The following ZNF236 variants were observed in gnomAD, a reference collection of about 807,000 sequenced individuals.
The protein encoded by ZNF236 is zinc finger protein 236.
Under a neutral mutation model 191.2 loss-of-function variants are expected in ZNF236, and 50 were observed. The observed-to-expected ratio is 0.26, with a 90% CI of 0.21 to 0.33. ZNF236 has a LOEUF of 0.33. ZNF236 is among the 10% of genes least tolerant of loss of function. The pLI is 1.00. For missense variants in ZNF236, 1,754 were observed against 2,374.5 expected, an observed-to-expected ratio of 0.74 and a Z score of 5.43; for synonymous variants, 907 against 928.8, an observed-to-expected ratio of 0.98 and a Z score of 0.43.
At chr18:76,944,587 C>T (rs981299810) in intron 26 of ZNF236, among the ~76,000 whole-genome samples, 2 of 152,124 alleles carry the variant, frequency 1.3e-5, no homozygotes, top group Admixed American at 1.3e-4. Flanking sequence ...TCGAGACCAG[C>T]TTGGCCAACA....
In ZNF236 at chr18:76,880,282, G is replaced by C; in HGVS notation, c.1154G>C (p.Ser385Thr). 6.2e-7 allele frequency: 1 copy of C among 1,613,934 alleles called. No individual in the cohort carries two copies. Among genetic ancestry groups the C allele is most frequent in the South Asian group, 1.1e-5 (1 of 91,056 alleles). Reference protein sequence around the residue: ...GQSPQPGQQLSITVGINQDIL... With the variant: ...GQSPQPGQQLTITVGINQDIL... ...TCCCCGCAGCCTGGGCAGCAGCTGA[G>C]CATCACAGTGGGCATCAACCAGGAC... The change falls in exon 8 of 31, where the codon AGC becomes ACC. Residue 385 changes from serine to threonine, a missense_variant. Coordinates refer to ENST00000320610, the MANE Select transcript of ZNF236 (RefSeq NM_001306089.2). This position sits in a 1 kb window ranked among gnomAD's most constrained non-coding sequence, Gnocchi z 5.0.
intron 26 of ZNF236, among the ~76,000 whole-genome samples, chr18:76,940,374 G>A (rs1394298980): frequency 6.7e-6 from 1 of 149,624 alleles, no homozygotes; most frequent in Non-Finnish European, 1.5e-5. Context: ...CATTGCGTTT[G>A]GCAACACGGT....
intron 3 of ZNF236, among the ~76,000 whole-genome samples, chr18:76,857,993 A>G (rs1350570766): frequency 1.3e-5 from 2 of 152,152 alleles, no homozygotes; most frequent in African/African-American, 4.8e-5. Context: ...TAAGATTCTA[A>G]TGATATTGTG....
intron 13 of ZNF236, among the ~76,000 whole-genome samples, chr18:76,905,743 A>C (rs1427319521): frequency 6.6e-6 from 1 of 152,198 alleles, no homozygotes; most frequent in East Asian, 1.9e-4. Flanking sequence ...CAGATAGTGA[A>C]TATTTCAGAA....
In ZNF236 at chr18:76,880,188, C is replaced by G. The variant is rs1407514920; in HGVS notation, c.1060C>G (p.Gln354Glu). ...GTCGGCCTCAAGCCAGCCGAGCTCC[C>G]AGGCGGTGAGCGACGTCATCCAGCA... The part of the protein sequence containing the change: ...ATSASSQPSS[Q>E]AVSDVIQQLL... Residue 354 changes from glutamine (Q) to glutamate (E), a missense_variant, in exon 8 of 31, where the codon CAG becomes GAG. Physicochemically the swap from Gln to Glu is conservative, Grantham distance 29 (BLOSUM62 2). Coordinates refer to ENST00000320610, the MANE Select transcript of ZNF236 (RefSeq NM_001306089.2). This position sits in a 1 kb window ranked among gnomAD's most constrained non-coding sequence, Gnocchi z 5.0. 1 of 1,614,180 alleles carries G rather than the reference C, an allele frequency of 6.2e-7. No homozygotes were observed. The highest frequency in any genetic ancestry group is 8.5e-7 in the Non-Finnish European group (1 of 1,180,028).
chr18:76,968,246 G>A lies in ZNF236; in HGVS notation c.5451G>A (p.Glu1817=). ...GALQESAGHP[E]QDGEELSRTL... is the part of the protein sequence containing the mutation. ...TGCAGGAGTCTGCAGGTCACCCGGA[G>A]CAGGACGGGGAGGAGCTGAGCCGGA... is the stretch of plus-strand genomic sequence containing the variant. The change falls in exon 31 of 31, where the codon GAG becomes GAA. Residue 1817 remains glutamate (E), a synonymous_variant. Coordinates refer to ENST00000320610, the MANE Select transcript of ZNF236 (RefSeq NM_001306089.2). The A allele has an allele frequency of 2.5e-6, 4 of 1,613,336 alleles. No individual in the cohort carries two copies. The highest frequency in any genetic ancestry group is 3.4e-6 in the Non-Finnish European group (4 of 1,179,808).
chr18:76,912,576 T>C (rs1199283691), intron 17 of ZNF236, among the ~76,000 whole-genome samples: 1 of 152,242 alleles, frequency 6.6e-6, no homozygotes, highest in Non-Finnish European at 1.5e-5. Flanking sequence ...TACGGCAGTC[T>C]TCAGTTTGTC....
chr18:76,868,954 C>A, intron 4 of ZNF236, 91 bp downstream of exon 4: 1 of 1,323,396 alleles, frequency 7.6e-7, no homozygotes, highest in Non-Finnish European at 1.0e-6. Flanking sequence ...ATATTTGCTG[C>A]AAGAACCCAG....
chr18:76,959,284 A>C (rs1968601377), intron 28 of ZNF236, among the ~76,000 whole-genome samples: 1 of 152,212 alleles, frequency 6.6e-6, no homozygotes, highest in East Asian at 1.9e-4. Context: ...AGGCCACGAC[A>C]TATGGGTGGA....
At chr18:76,837,472 C>T (rs1343033541) in intron 1 of ZNF236, among the ~76,000 whole-genome samples, 7 of 119,270 alleles carry the variant, frequency 5.9e-5, no homozygotes, top group African/African-American at 2.3e-4. Flanking sequence ...CAGAGTTTCA[C>T]TCTTGTTGCC....
chr18:76,961,160 C>T (rs1265033807), intron 30 of ZNF236, among the ~76,000 whole-genome samples: 1 of 152,094 alleles, frequency 6.6e-6, no homozygotes, highest in African/African-American at 2.4e-5. Context: ...ACCCCCTTCC[C>T]ATTCTTTCCC....
intron 26 of ZNF236, among the ~76,000 whole-genome samples, chr18:76,946,610 G>A (rs967507023): frequency 6.6e-6 from 1 of 152,212 alleles, no homozygotes; most frequent in Admixed American, 6.5e-5. Flanking sequence ...GCTGATTACA[G>A]CAGTTCAAGT....
At chr18:76,884,000 T>C (rs1294192986) in intron 9 of ZNF236, among the ~76,000 whole-genome samples, 1 of 152,246 alleles carries the variant, frequency 6.6e-6, no homozygotes, top group East Asian at 1.9e-4. Context: ...GTGAATGTTT[T>C]CGGCGGGATT....
intron 3 of ZNF236, among the ~76,000 whole-genome samples, chr18:76,854,585 A>C (rs1161493199): frequency 1.4e-4 from 2 of 13,986 alleles, no homozygotes. Context: ...CTGTCACTAC[A>C]AAAAAAAAAA....
chr18:76,972,575 G>A lies in ZNF236; in HGVS notation c.*4236G>A, dbSNP rs1568254478. On this transcript the variant is annotated 3_prime_UTR_variant, in exon 31 of 31. Transcript: ENST00000320610. ...TTAGTATGAATGGCAGGAGCAACAGGCAGTCAGAAGAGATTTTTCTATTTA... is the reference window on the plus strand; with the variant it reads ...TTAGTATGAATGGCAGGAGCAACAGACAGTCAGAAGAGATTTTTCTATTTA... 6.6e-6 allele frequency among the ~76,000 whole-genome samples: 1 copy of A among 152,152 alleles called. No individual in the cohort carries two copies. The highest frequency in any genetic ancestry group is 1.5e-5 in the Non-Finnish European group (1 of 68,034).
intron 1 of ZNF236, among the ~76,000 whole-genome samples, chr18:76,836,680 C>A (rs1252066923): frequency 6.6e-6 from 1 of 151,050 alleles, no homozygotes; most frequent in African/African-American, 2.4e-5. Flanking sequence ...CGGGTTCATG[C>A]CATTCTCCTG....
At chr18:76,882,871 C>T (rs1053945622) in intron 9 of ZNF236, among the ~76,000 whole-genome samples, 4 of 152,198 alleles carry the variant, frequency 2.6e-5, no homozygotes, top group Admixed American at 2.6e-4. Context: ...TTCCAGGTTA[C>T]AGGTGTGTTT....
At chr18:76,844,285 C>A (rs1041092257) in intron 1 of ZNF236, among the ~76,000 whole-genome samples, 1 of 150,438 alleles carries the variant, frequency 6.6e-6, no homozygotes, top group Non-Finnish European at 1.5e-5. Context: ...GTAGAGATGA[C>A]CTAAAGCGGT....
chr18:76,846,639 G>A (rs1280638316), intron 1 of ZNF236, among the ~76,000 whole-genome samples: 1 of 152,144 alleles, frequency 6.6e-6, no homozygotes, highest in East Asian at 1.9e-4. Context: ...TTAAGTTTGT[G>A]TCTGAACCAA....
Sources: gnomAD v4.1 joint callset for allele counts (sites outside exome capture counted in the v4.1 genomes callset) on GRCh38, gnomAD v4.1.1 for gene constraint, Gnocchi (gnomAD v3.1) non-coding constraint, MANE v1.5 for transcripts, NCBI Gene and HGNC (gene_info 2026-07-23, HGNC 2026-07-21) for gene names.